Variants in HECTD4 observed in about 807,000 individuals in gnomAD.
The protein encoded by HECTD4 is HECT domain E3 ubiquitin protein ligase 4, also known as probable E3 ubiquitin-protein ligase HECTD4.
Under a neutral mutation model 471.5 loss-of-function variants are expected in HECTD4, and 114 were observed. That is an observed-to-expected ratio of 0.24 (90% CI 0.21 to 0.28). The LOEUF (loss-of-function observed/expected upper bound fraction) is 0.28. HECTD4 is among the 10% of genes least tolerant of loss of function. The probability of loss-of-function intolerance (pLI) is 1.00; values close to 1 mark genes in which losing one functional copy is unlikely to be tolerated. For missense variants in HECTD4, 3,866 were observed against 5,651.5 expected (o/e 0.68, Z 10.13); for synonymous variants, 2,012 against 2,256.0 (o/e 0.89, Z 3.07).
chr12:112,293,026 A>C (rs1037971579), intron 7 of HECTD4, among the ~76,000 whole-genome samples: 1 of 150,754 alleles, frequency 6.6e-6, no homozygotes, highest in African/African-American at 2.4e-5. Flanking sequence ...CATGTAAAAA[A>C]TAAGTAAAAA....
At chr12:112,305,439 C>T (rs201689603) in intron 7 of HECTD4, among the ~76,000 whole-genome samples, 1 of 152,164 alleles carries the variant, frequency 6.6e-6, no homozygotes, top group East Asian at 1.9e-4. Context: ...CTCACCTACT[C>T]CCCAGCCTCT....
chr12:112,183,940 C>T (rs1360457033), intron 61 of HECTD4, among the ~76,000 whole-genome samples: 1 of 152,196 alleles, frequency 6.6e-6, no homozygotes, highest in Admixed American at 6.5e-5. Flanking sequence ...GCACTGATGG[C>T]GCCCACCCAC....
chr12:112,237,164 G>T, intron 34 of HECTD4, 66 bp from the exon 35 acceptor site: 1 of 1,427,614 alleles, frequency 7.0e-7, no homozygotes. Context: ...TGAGCCTGAG[G>T]GGGCGGCGAG....
At chr12:112,197,126 A>G (rs1220133390) in intron 55 of HECTD4, among the ~76,000 whole-genome samples, 1 of 151,932 alleles carries the variant, frequency 6.6e-6, no homozygotes, top group East Asian at 1.9e-4. Flanking sequence ...TGCCCAGACT[A>G]GTCTTGAACT....
At chr12:112,334,207 TTAAATAAA>T (rs35774693) in intron 1 of HECTD4, among the ~76,000 whole-genome samples, 1,865 of 142,690 alleles carry the variant, frequency 0.013, 20 homozygotes, top group Non-Finnish European at 0.016. Context: ...AGACTCCCTC[TTAAATAAA>T]TAAATAAATA....
intron 60 of HECTD4, among the ~76,000 whole-genome samples, chr12:112,189,263 C>T (rs540487321): frequency 6.5e-4 from 99 of 152,158 alleles, no homozygotes; most frequent in Non-Finnish European, 1.1e-3. Flanking sequence ...TAAGAAATTA[C>T]GGTTCCAGGC....
intron 25 of HECTD4, chr12:112,249,746 ACT>A (rs2033837035): frequency 4.3e-6 from 1 of 230,930 alleles, no homozygotes; most frequent in Non-Finnish European, 8.5e-6. Flanking sequence ...ATGTCTCTAG[ACT>A]CTGGAAAGTA....
At chr12:112,217,897 T>C (rs895997474) in intron 45 of HECTD4, among the ~76,000 whole-genome samples, 1 of 152,198 alleles carries the variant, frequency 6.6e-6, no homozygotes, top group Non-Finnish European at 1.5e-5. Context: ...AGGTTAGTTG[T>C]CTTGCTTTCT....
intron 59 of HECTD4, among the ~76,000 whole-genome samples, chr12:112,191,662 T>C (rs1461816213): frequency 6.6e-6 from 1 of 152,164 alleles, no homozygotes; most frequent in Non-Finnish European, 1.5e-5. Context: ...ATAGTGATAA[T>C]TGTGGAATGA....
intron 1 of HECTD4, among the ~76,000 whole-genome samples, chr12:112,368,150 C>G (rs927952611): frequency 6.6e-6 from 1 of 152,176 alleles, no homozygotes; most frequent in Admixed American, 6.5e-5. Context: ...ACACACTGTG[C>G]TCTGACCTAG....
At chr12:112,201,039 G>A in intron 54 of HECTD4, 1 of 576,286 alleles carries the variant, frequency 1.7e-6, no homozygotes, top group Non-Finnish European at 3.2e-6. Flanking sequence ...ATATAAACTT[G>A]CTATGTGCTT....
At chr12:112,353,398 T>A (rs1172575303) in intron 1 of HECTD4, among the ~76,000 whole-genome samples, 1 of 152,260 alleles carries the variant, frequency 6.6e-6, no homozygotes, top group Non-Finnish European at 1.5e-5. Flanking sequence ...ATGTACAGAC[T>A]ATTTTGTTTT....
intron 38 of HECTD4, among the ~76,000 whole-genome samples, chr12:112,232,226 G>A (rs1487448834): frequency 1.3e-5 from 2 of 152,142 alleles, no homozygotes; most frequent in Admixed American, 1.3e-4. Flanking sequence ...CACCTCCCAG[G>A]TTCAAGCGAT....
At position 112,300,592 on chromosome 12, in the gene HECTD4, C is replaced by T. The variant is rs184270366; in HGVS notation, c.1335+5472G>A. ...AACGTCCTTCAGTCTGAAGTCTTTC[C>T]TGTATTGTTTCTTTTTTCTTTCCGA... On this transcript the variant is annotated intron_variant, in intron 7 of 75. Coordinates refer to ENST00000682272, the MANE Select transcript of HECTD4 (RefSeq NM_001388303.1). Among the ~76,000 whole-genome samples, 4 of 152,164 alleles carry T rather than the reference C, an allele frequency of 2.6e-5. No homozygotes were observed. The East Asian group carries it at 7.7e-4, about 29-fold the overall frequency.
At chr12:112,298,134 A>G (rs960812398) in intron 7 of HECTD4, among the ~76,000 whole-genome samples, 1 of 152,200 alleles carries the variant, frequency 6.6e-6, no homozygotes, top group African/African-American at 2.4e-5. Context: ...GGCAAAGACA[A>G]TGAAAATAAA....
chr12:112,356,375 A>T (rs998986579), intron 1 of HECTD4, among the ~76,000 whole-genome samples: 1 of 152,184 alleles, frequency 6.6e-6, no homozygotes, highest in African/African-American at 2.4e-5. Context: ...AATCCCCAGT[A>T]ACTTCTCATT....
At chr12:112,341,686 C>T (rs186447195) in intron 1 of HECTD4, among the ~76,000 whole-genome samples, 218 of 152,276 alleles carry the variant, frequency 1.4e-3, no homozygotes, top group African/African-American at 4.2e-3. Flanking sequence ...TTCAGAAAAA[C>T]TAACCGACTA....
At chr12:112,172,039 G>A (rs1362372171) in intron 67 of HECTD4, among the ~76,000 whole-genome samples, 2 of 152,178 alleles carry the variant, frequency 1.3e-5, no homozygotes, top group African/African-American at 2.4e-5. Flanking sequence ...AAGTAGCTGG[G>A]ATTACAGGCA....
At position 112,239,818 on chromosome 12, in the gene HECTD4, T is replaced by C; in HGVS notation, c.5105+63A>G. 7.0e-7 allele frequency: 1 copy of C among 1,433,042 alleles called. No homozygotes were observed. Among genetic ancestry groups the C allele is most frequent in the Non-Finnish European group, 9.4e-7 (1 of 1,066,324 alleles). 88.8% of individuals were successfully genotyped at this position (1,433,042 alleles called of 1,614,324 possible). ...ATCCAATTTTTAAAATTAAAAATAC[T>C]TTCACTTAATCGACTATACTGCAGG... is the stretch of plus-strand genomic sequence containing the variant. On this transcript the variant is annotated intron_variant, in intron 33 of 75. Transcript: ENST00000682272. This position sits in a 1 kb window ranked among gnomAD's most constrained non-coding sequence, Gnocchi z 4.9.
Sources: allele counts gnomAD v4.1 joint callset (sites outside exome capture counted in the v4.1 genomes callset), GRCh38; gene constraint gnomAD v4.1.1; non-coding constraint Gnocchi (gnomAD v3.1); transcripts MANE v1.5; gene names NCBI Gene and HGNC (gene_info 2026-07-23, HGNC 2026-07-21).